The following GPM6A variants were observed in gnomAD, a reference collection of about 807,000 sequenced individuals.
GPM6A encodes the protein neuronal membrane glycoprotein M6-a.
GPM6A carries 7 observed loss-of-function variants against 32.1 expected under a neutral mutation model. The ratio of observed to expected loss-of-function variants is 0.22; its 90% confidence interval spans 0.12 to 0.41. GPM6A has a LOEUF of 0.41. Among genes scored for constraint, GPM6A ranks in the 10% least tolerant of loss-of-function variants. The pLI is 1.00. For missense variants in GPM6A, 235 were observed against 347.2 expected, an observed-to-expected ratio of 0.68 and a Z score of 2.57; for synonymous variants, 130 against 123.4, an observed-to-expected ratio of 1.05 and a Z score of -0.35.
upstream of GPM6A, among the ~76,000 whole-genome samples, chr4:175,817,141 AGC>A (rs953564559): frequency 3.9e-5 from 6 of 152,314 alleles, no homozygotes; most frequent in South Asian, 2.1e-4. Flanking sequence ...TACGGGCGTG[AGC>A]CACCGCCCCG....
At chr4:175,884,777 G>C (rs1737397089) in intron 1 of GPM6A, among the ~76,000 whole-genome samples, 1 of 152,044 alleles carries the variant, frequency 6.6e-6, no homozygotes, top group Admixed American at 6.5e-5. Flanking sequence ...CAGGTGATCT[G>C]CCTGCCTAGG....
At chr4:175,911,438 A>C (rs1364707833) in intron 1 of GPM6A, among the ~76,000 whole-genome samples, 1 of 152,194 alleles carries the variant, frequency 6.6e-6, no homozygotes, top group Non-Finnish European at 1.5e-5. Context: ...GTTAGCTATT[A>C]TCCCCTGCTT....
intron 1 of GPM6A, among the ~76,000 whole-genome samples, chr4:175,763,204 T>C (rs1732819837): frequency 6.6e-6 from 1 of 152,196 alleles, no homozygotes; most frequent in South Asian, 2.1e-4. Context: ...AGTAAAGATG[T>C]AGTTTCACCA....
chr4:175,863,726 G>T (rs1353711770), intron 1 of GPM6A, among the ~76,000 whole-genome samples: 1 of 152,124 alleles, frequency 6.6e-6, no homozygotes, highest in Admixed American at 6.5e-5. Flanking sequence ...TCTTGGCCAG[G>T]CACAGTGGCT....
At chr4:175,739,451 A>G (rs1333644518) in intron 1 of GPM6A, among the ~76,000 whole-genome samples, 2 of 152,178 alleles carry the variant, frequency 1.3e-5, no homozygotes, top group Non-Finnish European at 2.9e-5. Context: ...CTAAGCCTAC[A>G]GATGACTAAT....
chr4:175,669,687 T>G (rs1442467394), intron 3 of GPM6A, among the ~76,000 whole-genome samples: 6 of 152,196 alleles, frequency 3.9e-5, no homozygotes, highest in East Asian at 1.9e-4. Flanking sequence ...AAGACTGTTA[T>G]GAGTTGAATT....
At position 175,659,018 on chromosome 4, in the gene GPM6A, C is replaced by T. The variant is rs116667287; in HGVS notation, c.388-7031G>A. Among the ~76,000 whole-genome samples the T allele has an allele frequency of 4.5e-3, 687 of 151,994 alleles. 7 individuals carry two copies. Among genetic ancestry groups the T allele is most frequent in the African/African-American group, 0.016 (648 of 41,482 alleles). On this transcript the variant is annotated intron_variant, in intron 3 of 6. Transcript: ENST00000393658. ...GAGTGTAAGGGCTGAAAATATGTTA[C>T]CTTAGATATAGAGGAAGAAAATCTT...
chr4:175,977,846 A>G (rs765574515), intron 1 of GPM6A, among the ~76,000 whole-genome samples: 14 of 152,184 alleles, frequency 9.2e-5, no homozygotes, highest in Non-Finnish European at 2.1e-4. Flanking sequence ...TGGCAGAAAG[A>G]AAGTGTGACT....
At chr4:175,769,368 A>T (rs1005763213) in intron 1 of GPM6A, among the ~76,000 whole-genome samples, 1 of 152,128 alleles carries the variant, frequency 6.6e-6, no homozygotes, top group Non-Finnish European at 1.5e-5. Context: ...AAATGCCCAG[A>T]AACAATTCTA....
At chr4:175,907,870 G>T (rs894148762) in intron 1 of GPM6A, among the ~76,000 whole-genome samples, 2 of 152,032 alleles carry the variant, frequency 1.3e-5, no homozygotes, top group African/African-American at 2.4e-5. Flanking sequence ...TCACATAAAA[G>T]GTGTATTAAA....
At chr4:175,810,391 T>C (rs545217021) in intron 1 of GPM6A, among the ~76,000 whole-genome samples, 2 of 152,206 alleles carry the variant, frequency 1.3e-5, no homozygotes, top group African/African-American at 4.8e-5. Flanking sequence ...CCACTAAACG[T>C]TTTTTCTGAT....
At chr4:175,826,751 G>T (rs191801781) in intron 1 of GPM6A, among the ~76,000 whole-genome samples, 260 of 152,104 alleles carry the variant, frequency 1.7e-3, no homozygotes, top group African/African-American at 6.0e-3. Context: ...ATAAACTCAT[G>T]TTACAACCAG....
In GPM6A at chr4:175,746,809, T is replaced by G. The variant is rs1285082542; in HGVS notation, c.38-45042A>C. ...TCGGGCTTCACAAACTGATGTGTGT[T>G]TATCTCTGTGGATTATCAATATAAT... On this transcript the variant is annotated intron_variant, in intron 1 of 6. Coordinates refer to ENST00000393658, the MANE Select transcript of GPM6A (RefSeq NM_201591.3). Among the ~76,000 whole-genome samples, 5 of 152,310 alleles carry G rather than the reference T, an allele frequency of 3.3e-5. No individual in the cohort carries two copies. The East Asian group carries it at 9.6e-4, about 29-fold the overall frequency.
At chr4:175,647,160 G>A (rs952166586) in intron 4 of GPM6A, among the ~76,000 whole-genome samples, 2 of 152,192 alleles carry the variant, frequency 1.3e-5, no homozygotes, top group African/African-American at 4.8e-5. Context: ...CTGAATAAGA[G>A]GTAGGATTGG....
intron 1 of GPM6A, among the ~76,000 whole-genome samples, chr4:175,727,854 A>C (rs988128650): frequency 6.6e-6 from 1 of 151,898 alleles, no homozygotes; most frequent in African/African-American, 2.4e-5. Flanking sequence ...AAATACAAAA[A>C]TCAGTTGGGC....
intron 1 of GPM6A, among the ~76,000 whole-genome samples, chr4:175,772,770 A>G (rs1733242236): frequency 6.6e-6 from 1 of 151,958 alleles, no homozygotes; most frequent in Non-Finnish European, 1.5e-5. Context: ...TTCTACCTAC[A>G]TTTTTTACAC....
At chr4:175,965,416 A>G (rs148786523) in intron 1 of GPM6A, among the ~76,000 whole-genome samples, 100 of 152,272 alleles carry the variant, frequency 6.6e-4, no homozygotes, top group African/African-American at 2.3e-3. Flanking sequence ...TAAAGTAAGC[A>G]GCAGAAAAAA....
chr4:175,950,947 C>T (rs1379021978), intron 1 of GPM6A, among the ~76,000 whole-genome samples: 2 of 152,044 alleles, frequency 1.3e-5, no homozygotes, highest in Admixed American at 6.6e-5. Context: ...AGAGATAATA[C>T]TAAATGTTAA....
upstream of GPM6A, chr4:175,812,298 GGGGTTTTTTTTTTTTTTTTTTTTTTTTTT>G (rs1734954877): frequency 1.1e-5 from 2 of 174,442 alleles, no homozygotes; most frequent in South Asian, 1.5e-4. Flanking sequence ...GGAAAAACTG[GGGGTTTTTTTTTTTTTTTTTTTTTTTTTT>G]TTTTTTTTTT....
Sources: allele counts gnomAD v4.1 joint callset (sites outside exome capture counted in the v4.1 genomes callset), GRCh38; gene constraint gnomAD v4.1.1; transcripts MANE v1.5; gene names NCBI Gene and HGNC (gene_info 2026-07-23, HGNC 2026-07-21).